The following GTF2F2 variants were observed in gnomAD, a reference collection of about 807,000 sequenced individuals.
GTF2F2 encodes ATP-dependent helicase GTF2F2.
A neutral mutation model predicts 42.2 loss-of-function variants in GTF2F2; 23 were observed. The ratio of observed to expected loss-of-function variants is 0.55; its 90% CI spans 0.39 to 0.77. GTF2F2 has a LOEUF of 0.77. Among genes scored for constraint, GTF2F2 ranks in the 30% least tolerant of loss-of-function variants. The pLI, the probability that GTF2F2 is intolerant of heterozygous loss-of-function variation, is 0.00. For synonymous variants in GTF2F2, 105 were observed against 100.8 expected (o/e 1.04, Z -0.25); for missense variants, 261 against 287.2 (o/e 0.91, Z 0.66).
intron 1 of GTF2F2, among the ~76,000 whole-genome samples, chr13:45,131,430 T>A (rs9534036): frequency 0.24 from 36,207 of 151,864 alleles, 4,732 homozygotes; most frequent in African/African-American, 0.34. Context: ...GATATTGTTG[T>A]TAAGTATGAA....
At chr13:45,188,908 C>CT (rs879675045) in intron 4 of GTF2F2, among the ~76,000 whole-genome samples, 81 of 144,734 alleles carry the variant, frequency 5.6e-4, no homozygotes, top group Middle Eastern at 3.7e-3. Context: ...GGATGATTCA[C>CT]TTTTTTTTTT....
At chr13:45,259,597 G>A (rs1876245796) in intron 6 of GTF2F2, among the ~76,000 whole-genome samples, 1 of 151,638 alleles carries the variant, frequency 6.6e-6, no homozygotes, top group South Asian at 2.1e-4. Flanking sequence ...TGAGGGTGGG[G>A]TGTTCAGTAA....
At chr13:45,267,810 A>ATT (rs201281124) in intron 7 of GTF2F2, among the ~76,000 whole-genome samples, 29 of 121,756 alleles carry the variant, frequency 2.4e-4, no homozygotes, top group Admixed American at 5.0e-4. Flanking sequence ...TTTTCTGTGG[A>ATT]TTTTTTTTTT....
At chr13:45,257,588 A>G (rs1002943115) in intron 6 of GTF2F2, among the ~76,000 whole-genome samples, 1 of 152,120 alleles carries the variant, frequency 6.6e-6, no homozygotes, top group Non-Finnish European at 1.5e-5. Context: ...ATTTCCCCCC[A>G]TTGTTTGAAG....
At chr13:45,229,794 G>A (rs1206187883) in intron 5 of GTF2F2, among the ~76,000 whole-genome samples, 7 of 152,122 alleles carry the variant, frequency 4.6e-5, no homozygotes, top group Admixed American at 4.6e-4. Context: ...AATAGGTACA[G>A]GTCACACCCT....
intron 4 of GTF2F2, among the ~76,000 whole-genome samples, chr13:45,191,427 T>C (rs934522147): frequency 2.0e-5 from 3 of 151,350 alleles, no homozygotes; most frequent in African/African-American, 4.9e-5. Context: ...TATTTACTTA[T>C]GAGAAAAAAT....
At chr13:45,150,843 C>T (rs1870455135) in intron 3 of GTF2F2, among the ~76,000 whole-genome samples, 1 of 151,756 alleles carries the variant, frequency 6.6e-6, no homozygotes, top group Non-Finnish European at 1.5e-5. Flanking sequence ...TGCGCCCAGC[C>T]AGAAAAAATA....
intron 1 of GTF2F2, among the ~76,000 whole-genome samples, chr13:45,130,076 A>T (rs1196647274): frequency 6.6e-6 from 1 of 152,208 alleles, no homozygotes; most frequent in Non-Finnish European, 1.5e-5. Flanking sequence ...AAGATATGGG[A>T]TAGGATCATC....
At chr13:45,220,978 T>A (rs1481745911) in intron 5 of GTF2F2, 1 of 152,078 alleles carries the variant, frequency 6.6e-6, no homozygotes, top group Non-Finnish European at 1.5e-5. Flanking sequence ...TCTGTGTGTG[T>A]ATATATATAG....
intron 4 of GTF2F2, among the ~76,000 whole-genome samples, chr13:45,189,619 A>G (rs1398236049): frequency 2.6e-5 from 4 of 152,152 alleles, no homozygotes; most frequent in African/African-American, 4.8e-5. Context: ...ATGGTGTCTC[A>G]TTGTGGTTTT....
At chr13:45,234,595 A>AT (rs1420798412) in intron 5 of GTF2F2, among the ~76,000 whole-genome samples, 3 of 152,234 alleles carry the variant, frequency 2.0e-5, no homozygotes, top group Non-Finnish European at 4.4e-5. Flanking sequence ...TTATAAAATG[A>AT]TTATTAAGTT....
chr13:45,128,643 G>A (rs1444445073), intron 1 of GTF2F2, among the ~76,000 whole-genome samples: 1 of 151,976 alleles, frequency 6.6e-6, no homozygotes, highest in East Asian at 1.9e-4. Flanking sequence ...CCAGGCTGGA[G>A]TGCAGTGGCA....
chr13:45,241,855 A>C (rs1412867674), intron 5 of GTF2F2, among the ~76,000 whole-genome samples: 1 of 152,150 alleles, frequency 6.6e-6, no homozygotes, highest in African/African-American at 2.4e-5. Flanking sequence ...GGCCCTAGGC[A>C]TATGATCATG....
rs372520876 is a variant in GTF2F2, at chr13:45,216,749, C to G, written c.386+9244C>G. 1.8e-4 allele frequency among the ~76,000 whole-genome samples: 28 copies of G among 152,000 alleles called. 1 individual carries two copies. The highest frequency in any genetic ancestry group is 1.6e-3 in the East Asian group (8 of 5,104). On this transcript the variant is annotated intron_variant, in intron 5 of 7. Transcript: ENST00000340473. ...GGCCAGGCTGCTCTCGAACTCCTGACCTCAAGTGATCCACCCGCTTCAGCC... is the reference window on the plus strand; with the variant it reads ...GGCCAGGCTGCTCTCGAACTCCTGAGCTCAAGTGATCCACCCGCTTCAGCC...
chr13:45,125,980 AC>A (rs1341220565), intron 1 of GTF2F2, among the ~76,000 whole-genome samples: 6 of 152,110 alleles, frequency 3.9e-5, no homozygotes, highest in Admixed American at 3.9e-4. Context: ...AGTGGGCGTG[AC>A]CTTGAGCAAG....
intron 3 of GTF2F2, among the ~76,000 whole-genome samples, chr13:45,151,358 T>C (rs1593456864): frequency 6.6e-6 from 1 of 152,278 alleles, no homozygotes; most frequent in East Asian, 1.9e-4. Context: ...AGATTATCTT[T>C]CTCTCTTTTG....
intron 5 of GTF2F2, among the ~76,000 whole-genome samples, chr13:45,223,026 A>G (rs1874179779): frequency 6.6e-6 from 1 of 152,106 alleles, no homozygotes; most frequent in African/African-American, 2.4e-5. Flanking sequence ...AGTTATTTTC[A>G]TCTTGAATAA....
intron 5 of GTF2F2, among the ~76,000 whole-genome samples, chr13:45,233,946 A>G (rs1874818398): frequency 6.6e-6 from 1 of 152,216 alleles, no homozygotes; most frequent in African/African-American, 2.4e-5. Context: ...CCATTGCCAC[A>G]GTTGGAAAAA....
intron 2 of GTF2F2, among the ~76,000 whole-genome samples, chr13:45,147,547 C>CA (rs57811358): frequency 0.012 from 1,819 of 152,274 alleles, 31 homozygotes; most frequent in African/African-American, 0.037. Flanking sequence ...CAATCTTTGC[C>CA]ATATCTCTGA....
Sources: gnomAD v4.1 joint callset for allele counts (sites outside exome capture counted in the v4.1 genomes callset) on GRCh38, gnomAD v4.1.1 for gene constraint, MANE v1.5 for transcripts, NCBI Gene and HGNC (gene_info 2026-07-23, HGNC 2026-07-21) for gene names.